Variants in TM6SF1 observed in about 807,000 individuals in gnomAD.
TM6SF1 encodes the protein transmembrane 6 superfamily member 1.
A neutral mutation model predicts 47.1 loss-of-function variants in TM6SF1; 43 were observed. That is an observed-to-expected ratio of 0.91 (90% CI 0.72 to 1.18). The LOEUF (loss-of-function observed/expected upper bound fraction) is 1.18. TM6SF1 is among the 50% of genes most tolerant of loss of function. The pLI, the probability that TM6SF1 is intolerant of heterozygous loss-of-function variation, is 0.00. For missense variants in TM6SF1, 390 were observed against 449.0 expected, an observed-to-expected ratio of 0.87 and a Z score of 1.19; for synonymous variants, 177 against 166.3, an observed-to-expected ratio of 1.06 and a Z score of -0.49.
At position 83,111,531 on chromosome 15, in the gene TM6SF1, C is replaced by T. The variant is rs377489080; in HGVS notation, c.93-1266C>T. The T allele has an allele frequency of 1.2e-4, 89 of 764,012 alleles. 1 individual carries two copies. In the African/African-American group the frequency reaches 1.2e-3, roughly 10 times the overall value. 47.3% of individuals were successfully genotyped at this position (764,012 alleles called of 1,614,324 possible). ...TCCATCCACTCATCGTCTATTTGTT[C>T]CCCCCTTCCCTCCCTCCTTCTATTC... On this transcript the variant is annotated intron_variant, in intron 1 of 9. Coordinates refer to ENST00000322019, the MANE Select transcript of TM6SF1 (RefSeq NM_023003.5).
intron 6 of TM6SF1, among the ~76,000 whole-genome samples, chr15:83,124,052 A>G (rs551762385): frequency 4.3e-4 from 65 of 152,358 alleles, no homozygotes; most frequent in African/African-American, 1.5e-3. Context: ...TCATCATTAC[A>G]TTAAGTATAA....
chr15:83,111,661 C>T, intron 1 of TM6SF1: 1 of 985,380 alleles, frequency 1.0e-6, no homozygotes, highest in Non-Finnish European at 1.2e-6. Flanking sequence ...CTTGTAGCTG[C>T]TCCAATCTGA....
At chr15:83,124,564 G>A in intron 6 of TM6SF1, 108 bp from the exon 7 acceptor site, 1 of 793,770 alleles carries the variant, frequency 1.3e-6, no homozygotes, top group Admixed American at 2.2e-5. Context: ...GATATAAATT[G>A]TGCATCTTCA....
At position 83,136,880 on chromosome 15, in the gene TM6SF1, A is replaced by G. The variant is rs1487034926; in HGVS notation, c.*208A>G. 3 of 389,304 alleles carry G rather than the reference A, an allele frequency of 7.7e-6. No homozygotes were observed. Among genetic ancestry groups the G allele is most frequent in the Non-Finnish European group, 1.4e-5 (3 of 217,310 alleles). The allele number at this position is 389,304 out of a possible 1,614,324, so 24.1% of individuals were successfully genotyped here. Reference sequence around the variant, plus strand: ...CTTGAGAAACAGTTTGTTTAAAGAAATATATTCAAAATCATTTGTGAATAA... The same window carrying G: ...CTTGAGAAACAGTTTGTTTAAAGAAGTATATTCAAAATCATTTGTGAATAA... On this transcript the variant is annotated 3_prime_UTR_variant, in exon 10 of 10. Coordinates refer to ENST00000322019, the MANE Select transcript of TM6SF1 (RefSeq NM_023003.5).
chr15:83,127,322 A>C, intron 8 of TM6SF1, 36 bp from the exon 9 acceptor site: 1 of 1,540,036 alleles, frequency 6.5e-7, no homozygotes, highest in Non-Finnish European at 8.7e-7. Flanking sequence ...GTTAACTGCC[A>C]ATTTGCTGAT....
chr15:83,126,838 T>C lies in TM6SF1; in HGVS notation c.792T>C (p.Pro264=). 1 of 1,612,122 alleles carries C rather than the reference T, an allele frequency of 6.2e-7. No homozygotes were observed. The highest frequency in any genetic ancestry group is 8.5e-7 in the Non-Finnish European group (1 of 1,178,890). ...ATCTAAAGGATCCTGCTGCTTATCC[T>C]AAAATTCAGGTCAAGTAGTTATGAA... ...EPYLKDPAAY[P]KIQMLAYMFY... The change falls in exon 8 of 10, where the codon CCT becomes CCC. Residue 264 remains proline (P), a synonymous_variant. Coordinates refer to ENST00000322019, the MANE Select transcript of TM6SF1 (RefSeq NM_023003.5).
At chr15:83,116,408 G>A (rs747645207) in intron 3 of TM6SF1, among the ~76,000 whole-genome samples, 2 of 152,160 alleles carry the variant, frequency 1.3e-5, no homozygotes, top group African/African-American at 2.4e-5. Flanking sequence ...CCTGGTACTC[G>A]AGAGAGCTAG....
At chr15:83,117,122 A>T (rs559238128) in intron 3 of TM6SF1, among the ~76,000 whole-genome samples, 1 of 152,308 alleles carries the variant, frequency 6.6e-6, no homozygotes, top group Admixed American at 6.5e-5. Flanking sequence ...CTGCTGTAGC[A>T]TTTTAAAAAT....
intron 9 of TM6SF1, chr15:83,136,262 A>G: frequency 2.5e-6 from 1 of 395,044 alleles, no homozygotes; most frequent in Non-Finnish European, 4.5e-6. Flanking sequence ...ACTTTATTTG[A>G]ACAGTCATAT....
chr15:83,118,492 C>G (rs930161451), intron 3 of TM6SF1, among the ~76,000 whole-genome samples: 12 of 152,164 alleles, frequency 7.9e-5, no homozygotes, highest in African/African-American at 2.9e-4. Flanking sequence ...CAGAGCAAGT[C>G]CAAGAGAAGG....
intron 9 of TM6SF1, 89 bp from the exon 10 acceptor site, chr15:83,136,392 C>G: frequency 8.6e-7 from 1 of 1,163,228 alleles, no homozygotes; most frequent in Non-Finnish European, 1.2e-6. Context: ...GGCACAGAAA[C>G]GTAGCCTGAA....
intron 1 of TM6SF1, among the ~76,000 whole-genome samples, chr15:83,108,263 C>T (rs772840563): frequency 3.3e-5 from 5 of 152,180 alleles, no homozygotes; most frequent in African/African-American, 1.2e-4. Flanking sequence ...AACCAACAGG[C>T]AGAGACGTGG....
At chr15:83,133,569 C>T (rs2036403457) in intron 9 of TM6SF1, 2 of 152,180 alleles carry the variant, frequency 1.3e-5, no homozygotes, top group South Asian at 4.1e-4. Context: ...GGGACTCAAC[C>T]TCACATTGCT....
intron 9 of TM6SF1, chr15:83,133,420 C>A (rs958390195): frequency 1.3e-5 from 2 of 152,166 alleles, no homozygotes; most frequent in Non-Finnish European, 2.9e-5. Flanking sequence ...GAAAACAGCT[C>A]TTAAAATTTA....
intron 5 of TM6SF1, 89 bp from the exon 6 acceptor site, chr15:83,122,655 CATAGCAAAATTTT>C: frequency 7.4e-7 from 1 of 1,342,902 alleles, no homozygotes; most frequent in Non-Finnish European, 1.0e-6. Flanking sequence ...TTGTCTGGCC[CATAGCAAAATTTT>C]AGATGACCTG....
chr15:83,110,046 A>C (rs2034003674), intron 1 of TM6SF1, among the ~76,000 whole-genome samples: 1 of 152,160 alleles, frequency 6.6e-6, no homozygotes, highest in South Asian at 2.1e-4. Flanking sequence ...TGCCCAGGCC[A>C]GCGCCGTGTG....
chr15:83,115,763 C>A, intron 2 of TM6SF1, 82 bp from the exon 3 acceptor site: 2 of 916,074 alleles, frequency 2.2e-6, no homozygotes, highest in Non-Finnish European at 3.6e-6. Flanking sequence ...GAAAAACATT[C>A]CATTATTATT....
intron 1 of TM6SF1, chr15:83,111,706 C>T (rs1032361057): frequency 4.1e-6 from 4 of 984,700 alleles, no homozygotes; most frequent in Non-Finnish European, 4.8e-6. Context: ...TGGAGTGGGC[C>T]AGGTAGTATT....
chr15:83,115,425 T>G, intron 2 of TM6SF1: 1 of 335,152 alleles, frequency 3.0e-6, no homozygotes, highest in South Asian at 2.4e-5. Flanking sequence ...GCCTGAATCA[T>G]TGTCTTAAAC....
Sources: allele counts gnomAD v4.1 joint callset (sites outside exome capture counted in the v4.1 genomes callset), GRCh38; gene constraint gnomAD v4.1.1; transcripts MANE v1.5; gene names NCBI Gene and HGNC (gene_info 2026-07-23, HGNC 2026-07-21).